RANBP17: variants seen among roughly 807,000 people sequenced by gnomAD.
RANBP17 encodes the protein RAN binding protein 17.
RANBP17 carries 158 observed loss-of-function variants against 141.2 expected under a neutral mutation model. The observed-to-expected ratio is 1.12, with a 90% CI of 0.98 to 1.28. RANBP17 has a LOEUF of 1.28. Among genes scored for constraint, RANBP17 ranks in the 50% most tolerant of loss-of-function variants. RANBP17 has a pLI of 0.00. For synonymous variants in RANBP17, 430 were observed against 450.0 expected (o/e 0.96, Z 0.56); for missense variants, 1,438 against 1,290.7 (o/e 1.11, Z -1.75).
At chr5:170,917,336 A>T (rs1243436862) in intron 9 of RANBP17, among the ~76,000 whole-genome samples, 4 of 151,996 alleles carry the variant, frequency 2.6e-5, no homozygotes, top group African/African-American at 7.3e-5. Flanking sequence ...AGATTTTAAA[A>T]TTTTTTCTGC....
chr5:171,020,497 A>G (rs1449346888), intron 14 of RANBP17, among the ~76,000 whole-genome samples: 2 of 151,998 alleles, frequency 1.3e-5, no homozygotes, highest in African/African-American at 4.8e-5. Flanking sequence ...TTCTTGTTGA[A>G]TTGTTCCCTT....
intron 22 of RANBP17, among the ~76,000 whole-genome samples, chr5:171,225,652 C>T (rs1443147295): frequency 1.3e-5 from 2 of 152,148 alleles, no homozygotes; most frequent in East Asian, 1.9e-4. Flanking sequence ...TCTGTGATCC[C>T]TTCTGTTTCC....
chr5:171,039,000 T>C (rs1782067937), intron 14 of RANBP17, among the ~76,000 whole-genome samples: 1 of 152,176 alleles, frequency 6.6e-6, no homozygotes. Flanking sequence ...AGATTAATTC[T>C]ATGTCTTTGC....
At chr5:171,193,851 G>C (rs538715473) in intron 18 of RANBP17, among the ~76,000 whole-genome samples, 1 of 152,256 alleles carries the variant, frequency 6.6e-6, no homozygotes, top group African/African-American at 2.4e-5. Flanking sequence ...CAGTTGATTA[G>C]CAACTTTAAT....
chr5:171,152,374 G>A (rs1050321452), intron 14 of RANBP17, among the ~76,000 whole-genome samples: 1 of 149,746 alleles, frequency 6.7e-6, no homozygotes, highest in Non-Finnish European at 1.5e-5. Flanking sequence ...AGCTGAGATC[G>A]CTATTGCACT....
At chr5:170,957,665 G>A (rs1354882137) in intron 13 of RANBP17, among the ~76,000 whole-genome samples, 1 of 152,040 alleles carries the variant, frequency 6.6e-6, no homozygotes. Context: ...TTTTGTTGGT[G>A]CTTTCAGTGT....
chr5:170,939,850 G>A (rs896305188), intron 12 of RANBP17, among the ~76,000 whole-genome samples: 1 of 152,142 alleles, frequency 6.6e-6, no homozygotes, highest in Non-Finnish European at 1.5e-5. Context: ...TCTTATTTAG[G>A]AAGGGAATTA....
intron 14 of RANBP17, among the ~76,000 whole-genome samples, chr5:171,093,386 G>A (rs1786454710): frequency 6.6e-6 from 1 of 152,006 alleles, no homozygotes; most frequent in Admixed American, 6.6e-5. Context: ...CATTTACTAA[G>A]TTGATGATTA....
chr5:171,176,479 C>T lies in RANBP17; in HGVS notation c.1865+5193C>T, dbSNP rs1490923223. Among the ~76,000 whole-genome samples the T allele has an allele frequency of 3.3e-5, 5 of 152,046 alleles. No homozygotes were observed. The South Asian group carries it at 6.2e-4, about 19-fold the overall frequency. ...ATTTATTAAGCATTTGCTAAGTACA[C>T]GGCAAAAGAACAAATAAAACACAGA... On this transcript the variant is annotated intron_variant, in intron 16 of 27. Coordinates refer to ENST00000523189, the MANE Select transcript of RANBP17 (RefSeq NM_022897.5).
chr5:171,206,180 T>C (rs1762568725), intron 20 of RANBP17: 1 of 173,296 alleles, frequency 5.8e-6, no homozygotes, highest in South Asian at 1.3e-4. Context: ...TGCCTTATCA[T>C]GTAAGAGTTA....
chr5:171,117,853 G>A (rs1755754852), intron 14 of RANBP17, among the ~76,000 whole-genome samples: 1 of 149,438 alleles, frequency 6.7e-6, no homozygotes. Context: ...TGTTGTTGTT[G>A]TTGTTGTTGT....
rs1780910658 is a variant in RANBP17, at chr5:171,022,211, G to A, written c.1710+53834G>A. ...TGACTTTGAGGGGCGCCAACCTGAT[G>A]CCCGTAGGATTGTTCCTGTATTGGG... On this transcript the variant is annotated intron_variant, in intron 14 of 27. Coordinates refer to ENST00000523189, the MANE Select transcript of RANBP17 (RefSeq NM_022897.5). 3.3e-5 allele frequency among the ~76,000 whole-genome samples: 5 copies of A among 152,186 alleles called. No homozygotes were observed. In the South Asian group the frequency reaches 1.0e-3, roughly 32 times the overall value.
At chr5:171,008,509 AAG>A (rs201945419) in intron 14 of RANBP17, among the ~76,000 whole-genome samples, 3,941 of 152,304 alleles carry the variant, frequency 0.026, 152 homozygotes, top group African/African-American at 0.089. Context: ...TGAGTCTGAA[AAG>A]AGAGTCAGCA....
At chr5:170,974,469 G>A (rs1405434970) in intron 14 of RANBP17, among the ~76,000 whole-genome samples, 2 of 152,192 alleles carry the variant, frequency 1.3e-5, no homozygotes, top group African/African-American at 4.8e-5. Flanking sequence ...AGGTGGTAGA[G>A]TTCTCATATA....
intron 13 of RANBP17, among the ~76,000 whole-genome samples, chr5:170,964,989 G>A (rs1201796407): frequency 2.0e-5 from 3 of 152,126 alleles, no homozygotes; most frequent in South Asian, 2.1e-4. Flanking sequence ...TTCCACAATG[G>A]TTGAACTAGT....
chr5:171,224,897 A>G (rs1447861319), intron 22 of RANBP17, among the ~76,000 whole-genome samples: 1 of 152,218 alleles, frequency 6.6e-6, no homozygotes, highest in Non-Finnish European at 1.5e-5. Flanking sequence ...TAGGTATTAT[A>G]TGCTACTCAC....
At chr5:170,978,779 C>T (rs914927966) in intron 14 of RANBP17, among the ~76,000 whole-genome samples, 1 of 135,918 alleles carries the variant, frequency 7.4e-6, no homozygotes, top group East Asian at 2.3e-4. Context: ...TTTGATGGGG[C>T]TTAAATGAGT....
At chr5:171,050,553 A>G (rs758958870) in intron 14 of RANBP17, among the ~76,000 whole-genome samples, 1 of 152,138 alleles carries the variant, frequency 6.6e-6, no homozygotes, top group African/African-American at 2.4e-5. Flanking sequence ...CAAAAAATTC[A>G]AAAATTAGCT....
rs114051830 is a variant in RANBP17, at chr5:170,880,052, G to A, written c.166-1754G>A. ...AATTTGTTCAGCTAAGCCCTTTTCC[G>A]CTCCATATGTTTTACCACTAGTGTG... On this transcript the variant is annotated intron_variant, in intron 2 of 27. Transcript: ENST00000523189. Among the ~76,000 whole-genome samples, 821 of 152,006 alleles carry A rather than the reference G, an allele frequency of 5.4e-3. 3 individuals are homozygous for A. The highest frequency in any genetic ancestry group is 7.9e-3 in the Non-Finnish European group (534 of 67,946).
Sources: allele counts gnomAD v4.1 joint callset (sites outside exome capture counted in the v4.1 genomes callset), GRCh38; gene constraint gnomAD v4.1.1; transcripts MANE v1.5; gene names NCBI Gene and HGNC (gene_info 2026-07-23, HGNC 2026-07-21).